The following OSBPL6 variants were observed in gnomAD, a reference collection of about 807,000 sequenced individuals.
The protein encoded by OSBPL6 is oxysterol binding protein like 6.
In OSBPL6, 49 loss-of-function variants were observed where a neutral mutation model predicts 125.8. The observed-to-expected ratio is 0.39, with a 90% confidence interval of 0.31 to 0.49. OSBPL6 has a LOEUF of 0.49. OSBPL6 is among the 20% of genes least tolerant of loss of function. The probability of loss-of-function intolerance (pLI) is 0.88; values close to 1 mark genes in which losing one functional copy is unlikely to be tolerated. For missense variants in OSBPL6, 986 were observed against 1,135.4 expected (o/e 0.87, Z 1.89); for synonymous variants, 394 against 391.8 (o/e 1.01, Z -0.07).
intron 1 of OSBPL6, among the ~76,000 whole-genome samples, chr2:178,229,125 G>A (rs1227777166): frequency 2.0e-5 from 3 of 152,104 alleles, no homozygotes; most frequent in South Asian, 2.1e-4. Context: ...GGGTGGCCCC[G>A]CCTTATAACA....
intron 18 of OSBPL6, among the ~76,000 whole-genome samples, 166 bp downstream of exon 18, chr2:178,384,342 G>A (rs1694746621): frequency 6.6e-6 from 1 of 152,156 alleles, no homozygotes. Flanking sequence ...TTTTGCCAAG[G>A]TTAAGGACAC....
rs58943076 is a variant in OSBPL6 at position 178,289,016 on chromosome 2, C to CTT, written c.-156+3913_-156+3914dup. ...TTTTTGTTTTCTTTTTCTTTTTCTT[C>CTT]TTTTTTTTTTTTTTTTTTTGAGACA... On this transcript the variant is annotated intron_variant, in intron 2 of 24. Transcript: ENST00000190611. Among the ~76,000 whole-genome samples the CTT allele has an allele frequency of 3.2e-3, 414 of 130,562 alleles. 10 individuals are homozygous for CTT. The highest frequency in any genetic ancestry group is 0.011 in the African/African-American group (388 of 34,736). The allele number at this position is 130,562 out of a possible 152,430, so 85.7% of individuals were successfully genotyped here.
At chr2:178,351,610 A>T (rs958352722) in intron 12 of OSBPL6, among the ~76,000 whole-genome samples, 5 of 152,202 alleles carry the variant, frequency 3.3e-5, no homozygotes, top group African/African-American at 1.2e-4. Flanking sequence ...GATATTCCAT[A>T]CTCATGGATC....
At chr2:178,375,462 G>A (rs1693780486) in intron 15 of OSBPL6, among the ~76,000 whole-genome samples, 1 of 152,214 alleles carries the variant, frequency 6.6e-6, no homozygotes, top group South Asian at 2.1e-4. Flanking sequence ...CGCTCTTGTT[G>A]CCCGGGCTGG....
At chr2:178,238,919 G>A (rs950664809) in intron 1 of OSBPL6, among the ~76,000 whole-genome samples, 12 of 152,270 alleles carry the variant, frequency 7.9e-5, no homozygotes, top group Admixed American at 5.2e-4. Flanking sequence ...TCTCCCGCCT[G>A]TTAACAGTCA....
At chr2:178,292,065 C>A in intron 2 of OSBPL6, among the ~76,000 whole-genome samples, 1 of 151,872 alleles carries the variant, frequency 6.6e-6, no homozygotes, top group Non-Finnish European at 1.5e-5. Flanking sequence ...CCTAGTACCC[C>A]TTAGTCATTT....
At chr2:178,226,429 A>T (rs1466512772) in intron 1 of OSBPL6, among the ~76,000 whole-genome samples, 1 of 152,188 alleles carries the variant, frequency 6.6e-6, no homozygotes, top group Non-Finnish European at 1.5e-5. Flanking sequence ...AAGGCTAGAC[A>T]ATGGGTCTGG....
At chr2:178,291,776 G>C (rs1426620709) in intron 2 of OSBPL6, among the ~76,000 whole-genome samples, 1 of 105,202 alleles carries the variant, frequency 9.5e-6, no homozygotes, top group African/African-American at 3.6e-5. Context: ...CTCCTTCCCT[G>C]TTTTCCTTCC....
chr2:178,272,907 A>G (rs912657168), intron 1 of OSBPL6, among the ~76,000 whole-genome samples: 1 of 152,230 alleles, frequency 6.6e-6, no homozygotes, highest in Non-Finnish European at 1.5e-5. Flanking sequence ...TTGAAAATAA[A>G]AGGCATGTGT....
intron 1 of OSBPL6, among the ~76,000 whole-genome samples, chr2:178,267,445 C>G (rs1327835417): frequency 6.6e-6 from 1 of 151,524 alleles, no homozygotes; most frequent in Non-Finnish European, 1.5e-5. Flanking sequence ...CCCCACTTCA[C>G]TTCTCCCATA....
intron 10 of OSBPL6, 38 bp from the exon 11 acceptor site, chr2:178,339,634 A>G (rs756533231): frequency 6.6e-7 from 1 of 1,518,934 alleles, no homozygotes; most frequent in East Asian, 2.4e-5. Flanking sequence ...TGTGAACTTA[A>G]TAATACTTTG....
chr2:178,331,433 T>A, intron 5 of OSBPL6, 119 bp from the exon 6 acceptor site: 3 of 1,042,476 alleles, frequency 2.9e-6, no homozygotes, highest in Non-Finnish European at 4.5e-6. Context: ...TGAATCCAGA[T>A]ACATTAAAAT....
chr2:178,230,316 G>GA (rs2090763723), intron 1 of OSBPL6: 1 of 152,146 alleles, frequency 6.6e-6, no homozygotes, highest in Non-Finnish European at 1.5e-5. Flanking sequence ...TTCCTGACAG[G>GA]AAAAAACAGA....
intron 11 of OSBPL6, among the ~76,000 whole-genome samples, chr2:178,346,470 A>T (rs1160069325): frequency 1.3e-5 from 2 of 152,216 alleles, no homozygotes; most frequent in African/African-American, 4.8e-5. Flanking sequence ...CATGGACAGG[A>T]CTTAAGAGCA....
intron 1 of OSBPL6, among the ~76,000 whole-genome samples, chr2:178,239,905 G>A (rs1026601433): frequency 2.6e-5 from 4 of 151,944 alleles, no homozygotes; most frequent in Admixed American, 6.6e-5. Flanking sequence ...GGGATTACAG[G>A]TGTGAGCCAC....
At chr2:178,377,292 T>C (rs1398087779) in intron 15 of OSBPL6, among the ~76,000 whole-genome samples, 1 of 152,074 alleles carries the variant, frequency 6.6e-6, no homozygotes, top group Non-Finnish European at 1.5e-5. Context: ...GAGAGCAAGG[T>C]GGGAGTTGCT....
chr2:178,288,626 A>C (rs1041027207), intron 2 of OSBPL6, among the ~76,000 whole-genome samples: 2 of 151,978 alleles, frequency 1.3e-5, no homozygotes, highest in African/African-American at 4.8e-5. Flanking sequence ...ATATATAAAT[A>C]GTAGGGAAAA....
intron 1 of OSBPL6, among the ~76,000 whole-genome samples, chr2:178,249,927 A>G (rs960117328): frequency 2.7e-5 from 4 of 150,586 alleles, no homozygotes; most frequent in South Asian, 2.1e-4. Flanking sequence ...GAAACAAGTT[A>G]CCTAATTGCC....
intron 1 of OSBPL6, among the ~76,000 whole-genome samples, chr2:178,212,954 C>T (rs558210609): frequency 6.6e-6 from 1 of 152,194 alleles, no homozygotes; most frequent in African/African-American, 2.4e-5. Context: ...ATTACAGGTG[C>T]ACACCACCAC....
Sources: allele counts gnomAD v4.1 joint callset (sites outside exome capture counted in the v4.1 genomes callset), GRCh38; gene constraint gnomAD v4.1.1; transcripts MANE v1.5; gene names NCBI Gene and HGNC (gene_info 2026-07-23, HGNC 2026-07-21).